Variants in PFKFB3 observed in about 807,000 individuals in gnomAD.
PFKFB3 encodes the protein 6-phosphofructo-2-kinase/fructose-2,6-bisphosphatase 3.
Under a neutral mutation model 68.0 loss-of-function variants are expected in PFKFB3, and 33 were observed. The observed-to-expected ratio is 0.49, with a 90% CI of 0.37 to 0.65. The LOEUF is 0.65. Ranked by LOEUF, PFKFB3 falls within the 30% of genes least tolerant of loss-of-function variation. The pLI is 0.00. For synonymous variants in PFKFB3, 315 were observed against 288.2 expected, an observed-to-expected ratio of 1.09 and a Z score of -0.94; for missense variants, 586 against 712.2, an observed-to-expected ratio of 0.82 and a Z score of 2.02.
downstream of PFKFB3, among the ~76,000 whole-genome samples, chr10:6,257,859 C>T (rs1564239213): frequency 6.6e-6 from 1 of 152,134 alleles, no homozygotes; most frequent in Non-Finnish European, 1.5e-5. Context: ...ATGCGGGACT[C>T]TGGAGTGTAG....
chr10:6,303,467 T>A, the PFKFB3 span, among the ~76,000 whole-genome samples: 1 of 151,386 alleles, frequency 6.6e-6, no homozygotes, highest in Non-Finnish European at 1.5e-5. Context: ...GGGTCCAGTT[T>A]AAAAAAAAAT....
chr10:6,298,388 CT>C, the PFKFB3 span, among the ~76,000 whole-genome samples: 1 of 120,328 alleles, frequency 8.3e-6, no homozygotes, highest in Non-Finnish European at 1.8e-5. Flanking sequence ...TTTTTTTTTT[CT>C]TTTTTTGAGA....
chr10:6,213,353 C>CT (rs1397137013), intron 1 of PFKFB3, among the ~76,000 whole-genome samples: 1 of 152,152 alleles, frequency 6.6e-6, no homozygotes, highest in Non-Finnish European at 1.5e-5. Context: ...GACCCCATCT[C>CT]TACAAAGATA....
the PFKFB3 span, among the ~76,000 whole-genome samples, chr10:6,268,644 A>T: frequency 6.6e-6 from 1 of 151,336 alleles, no homozygotes; most frequent in Non-Finnish European, 1.5e-5. Flanking sequence ...AAATAAATAG[A>T]AATTATATAA....
chr10:6,179,448 A>G (rs911512590), intron 1 of PFKFB3, among the ~76,000 whole-genome samples: 1 of 152,224 alleles, frequency 6.6e-6, no homozygotes, highest in African/African-American at 2.4e-5. Context: ...TCTGTGCTGG[A>G]CAACCCCCAG....
chr10:6,210,138 C>T (rs1844075709), intron 1 of PFKFB3, among the ~76,000 whole-genome samples: 1 of 117,964 alleles, frequency 8.5e-6, no homozygotes, highest in Non-Finnish European at 2.0e-5. Flanking sequence ...GGTAAAAAGG[C>T]CCATTGAGAA....
chr10:6,215,386 CT>C lies in PFKFB3; in HGVS notation c.299+70del. ...GCTGGGCCGCGGGCATAAGGCTGGGCTGCAGGAGTAAGGCTGGGCCGCGGGC... is the reference window on the plus strand; with the variant it reads ...GCTGGGCCGCGGGCATAAGGCTGGGCGCAGGAGTAAGGCTGGGCCGCGGGC... On this transcript the variant is annotated intron_variant, in intron 3 of 14. Transcript: ENST00000379775. This position sits in a 1 kb window ranked among gnomAD's most constrained non-coding sequence, Gnocchi z 4.3. The C allele has an allele frequency of 8.2e-7, 1 of 1,214,122 alleles. No individual in the cohort carries two copies. The highest frequency in any genetic ancestry group is 1.2e-6 in the Non-Finnish European group (1 of 830,126). 75.2% of individuals were successfully genotyped at this position (1,214,122 alleles called of 1,614,324 possible). A position where few individuals can be genotyped will look rare whatever the true frequency, so the allele number is the denominator to read the frequency against.
chr10:6,146,369 G>T, intron 1 of PFKFB3: 1 of 1,535,282 alleles, frequency 6.5e-7, no homozygotes, highest in Non-Finnish European at 8.7e-7. Flanking sequence ...TGTCCCGTTG[G>T]GGTAGAGAGA....
At chr10:6,146,365 G>T (rs990062696) in intron 1 of PFKFB3, 29 of 1,535,036 alleles carry the variant, frequency 1.9e-5, no homozygotes, top group Non-Finnish European at 2.5e-5. Context: ...CTCCTGTCCC[G>T]TTGGGGTAGA....
chr10:6,315,621 T>C, the PFKFB3 span, among the ~76,000 whole-genome samples: 75 of 152,286 alleles, frequency 4.9e-4, 1 homozygote, highest in East Asian at 4.8e-3. Flanking sequence ...GTAGCTGAGA[T>C]TATAGACATG....
rs187549976 is a variant in PFKFB3 at position 6,154,878 on chromosome 10, C to T, written c.16+9865C>T. ...GTTGTAGTGAGCTGCGGGGAGCCCGCACTGCCACAGCAGCTGCACCTCCTC... is the reference window on the plus strand; with the variant it reads ...GTTGTAGTGAGCTGCGGGGAGCCCGTACTGCCACAGCAGCTGCACCTCCTC... On this transcript the variant is annotated intron_variant, in intron 1 of 14. Coordinates refer to the PFKFB3 transcript ENST00000379789. This position sits in a 1 kb window ranked among gnomAD's most constrained non-coding sequence, Gnocchi z 4.6. Among the ~76,000 whole-genome samples the T allele has an allele frequency of 1.3e-5, 2 of 152,342 alleles. No individual in the cohort carries two copies. The highest frequency in any genetic ancestry group is 4.8e-5 in the African/African-American group (2 of 41,586).
At chr10:6,287,483 G>A in the PFKFB3 span, among the ~76,000 whole-genome samples, 1 of 152,150 alleles carries the variant, frequency 6.6e-6, no homozygotes, top group Admixed American at 6.5e-5. Context: ...ATTTCCTACA[G>A]TATTTAGTAC....
intron 13 of PFKFB3, 128 bp from the exon 14 acceptor site, chr10:6,226,064 C>T (rs145755683): frequency 6.5e-5 from 53 of 816,110 alleles, no homozygotes; most frequent in African/African-American, 5.8e-4. Context: ...CCCGTGGTCC[C>T]GGCCACTCCC....
At chr10:6,221,854 C>T (rs1844986450) in intron 10 of PFKFB3, 109 bp downstream of exon 10, 1 of 692,396 alleles carries the variant, frequency 1.4e-6, no homozygotes, top group Non-Finnish European at 2.5e-6. Flanking sequence ...TCTGGGGGCT[C>T]CTACACCCTC....
chr10:6,316,460 T>C, the PFKFB3 span, among the ~76,000 whole-genome samples: 2 of 152,220 alleles, frequency 1.3e-5, no homozygotes, highest in African/African-American at 2.4e-5. Flanking sequence ...AATTTAAATA[T>C]ACATTCAAGC....
rs1379496776 is a variant in PFKFB3 at position 6,229,820 on chromosome 10, G to A, written c.1516-3075G>A. 6.6e-6 allele frequency among the ~76,000 whole-genome samples: 1 copy of A among 152,176 alleles called. No homozygotes were observed. The highest frequency in any genetic ancestry group is 1.5e-5 in the Non-Finnish European group (1 of 68,038). On this transcript the variant is annotated intron_variant, in intron 14 of 14. Transcript: ENST00000379775. This position sits in a 1 kb window ranked among gnomAD's most constrained non-coding sequence, Gnocchi z 4.3. ...CCCCACCATGGCAGGGTAGGGGATG[G>A]TTTGGGGATAAAACTGTTCTGCCTC... is the stretch of plus-strand genomic sequence containing the variant.
At chr10:6,231,401 G>A (rs915678400) in intron 14 of PFKFB3, 81 of 1,591,980 alleles carry the variant, frequency 5.1e-5, no homozygotes, top group Middle Eastern at 1.7e-4. Context: ...GCAATGCGGG[G>A]CTCATCTGTC....
upstream of PFKFB3, among the ~76,000 whole-genome samples, chr10:6,199,209 G>A (rs908407690): frequency 6.6e-6 from 1 of 152,226 alleles, no homozygotes; most frequent in Non-Finnish European, 1.5e-5. Context: ...AGACTACCAT[G>A]CTTGTCACCT....
upstream of PFKFB3, among the ~76,000 whole-genome samples, chr10:6,199,857 C>T (rs1843278462): frequency 1.3e-5 from 2 of 151,672 alleles, no homozygotes; most frequent in South Asian, 2.1e-4. Context: ...GAAGGTCCTT[C>T]TCTGACCTTT....
Sources: allele counts gnomAD v4.1 joint callset (sites outside exome capture counted in the v4.1 genomes callset), GRCh38; gene constraint gnomAD v4.1.1; non-coding constraint Gnocchi (gnomAD v3.1); transcripts MANE v1.5; gene names NCBI Gene and HGNC (gene_info 2026-07-23, HGNC 2026-07-21).